The following TBL1XR1 variants were observed in gnomAD, a reference collection of about 807,000 sequenced individuals.
The protein encoded by TBL1XR1 is TBL1X/Y related 1.
In TBL1XR1, 5 loss-of-function variants were observed where a neutral mutation model predicts 66.9. The ratio of observed to expected loss-of-function variants is 0.07; its 90% CI spans 0.04 to 0.16. TBL1XR1 has a LOEUF of 0.16. Ranked by LOEUF, TBL1XR1 falls within the 10% of genes least tolerant of loss-of-function variation. The pLI, the probability that TBL1XR1 is intolerant of heterozygous loss-of-function variation, is 1.00. For missense variants in TBL1XR1, 238 were observed against 623.2 expected, an observed-to-expected ratio of 0.38 and a Z score of 6.58; for synonymous variants, 210 against 206.0, an observed-to-expected ratio of 1.02 and a Z score of -0.17.
intron 2 of TBL1XR1, among the ~76,000 whole-genome samples, chr3:177,067,691 C>T (rs777908766): frequency 1.3e-5 from 2 of 151,702 alleles, no homozygotes; most frequent in Non-Finnish European, 2.9e-5. Context: ...TATTAGTTCC[C>T]GGCAATTAAG....
chr3:177,060,508 G>A (rs1176343625), intron 3 of TBL1XR1, among the ~76,000 whole-genome samples: 1 of 152,178 alleles, frequency 6.6e-6, no homozygotes, highest in Non-Finnish European at 1.5e-5. Context: ...ACATGTAATA[G>A]TTAAACCTAG....
At chr3:177,107,635 G>A (rs901117191) in intron 1 of TBL1XR1, among the ~76,000 whole-genome samples, 4 of 152,102 alleles carry the variant, frequency 2.6e-5, no homozygotes, top group Admixed American at 2.6e-4. Flanking sequence ...CACAAGCTGT[G>A]TTATCTGCCT....
rs1260462756 is a variant in TBL1XR1, at chr3:177,037,782, A to ATCCG, written c.1122+315_1122+316insCGGA. 5.5e-5 allele frequency: 12 copies of ATCCG among 219,990 alleles called. 1 individual carries two copies. The highest frequency in any genetic ancestry group is 8.9e-6 in the Non-Finnish European group (1 of 112,026). 13.6% of individuals were successfully genotyped at this position (219,990 alleles called of 1,614,324 possible). On this transcript the variant is annotated intron_variant, in intron 12 of 15. Transcript: ENST00000457928. ...CTCACAGTAAATCTCTCATCCATCCATCCATCCATCCATCCATCCATCCAT... is the reference window on the plus strand; with the variant it reads ...CTCACAGTAAATCTCTCATCCATCCATCCGTCCATCCATCCATCCATCCATCCAT...
At position 177,144,570 on chromosome 3, in the gene TBL1XR1, A is replaced by G. The variant is rs1560224709; in HGVS notation, c.-121-46029T>C. On this transcript the variant is annotated intron_variant, in intron 1 of 15. Coordinates refer to ENST00000457928, the MANE Select transcript of TBL1XR1 (RefSeq NM_024665.7). ...AGATCGAGACCATCCTGGCTAGCAC[A>G]GTGAAACCCCATCTCTACTTTAGAA... Among the ~76,000 whole-genome samples the G allele has an allele frequency of 2.0e-5, 3 of 151,886 alleles. No individual in the cohort carries two copies. The South Asian group carries it at 6.2e-4, about 31-fold the overall frequency.
At chr3:177,138,642 C>A (rs191473256) in intron 1 of TBL1XR1, among the ~76,000 whole-genome samples, 1 of 151,938 alleles carries the variant, frequency 6.6e-6, no homozygotes, top group African/African-American at 2.4e-5. Context: ...CCAGGTAAGG[C>A]TTTCTGTGAG....
intron 10 of TBL1XR1, among the ~76,000 whole-genome samples, chr3:177,042,979 A>G (rs963501996): frequency 1.3e-5 from 2 of 152,144 alleles, no homozygotes; most frequent in African/African-American, 4.8e-5. Flanking sequence ...CATACAATTC[A>G]ATGGATTTCA....
intron 1 of TBL1XR1, among the ~76,000 whole-genome samples, chr3:177,172,132 G>A (rs934411880): frequency 1.3e-5 from 2 of 151,900 alleles, no homozygotes; most frequent in Admixed American, 6.6e-5. Flanking sequence ...ATGGTGGCAC[G>A]CACCTGTAAT....
chr3:177,155,175 A>C (rs1283088737), intron 1 of TBL1XR1, among the ~76,000 whole-genome samples: 1 of 152,230 alleles, frequency 6.6e-6, no homozygotes, highest in African/African-American at 2.4e-5. Context: ...TCTAAGTTTA[A>C]GAAGCTAGAA....
rs1276487365 is a variant in TBL1XR1 at position 177,197,359 on chromosome 3, G to A, written c.-360C>T. On this transcript the variant is annotated 5_prime_UTR_variant, in exon 1 of 16. Coordinates refer to ENST00000457928, the MANE Select transcript of TBL1XR1 (RefSeq NM_024665.7). ...GAGCGGAGGTGCTCCCGCCGCGGGG[G>A]GAGGGGCGGGGGCGCACGCGGCCGG... 2.0e-5 allele frequency: 3 copies of A among 146,426 alleles called. No homozygotes were observed. The highest frequency in any genetic ancestry group is 5.0e-5 in the African/African-American group (2 of 40,392). 9.1% of individuals were successfully genotyped at this position (146,426 alleles called of 1,614,324 possible). A position where few individuals can be genotyped will look rare whatever the true frequency, so the allele number is the denominator to read the frequency against.
intron 2 of TBL1XR1, among the ~76,000 whole-genome samples, chr3:177,067,754 A>G (rs749497908): frequency 1.3e-5 from 2 of 152,174 alleles, no homozygotes; most frequent in Non-Finnish European, 2.9e-5. Context: ...AAACAACTTA[A>G]AAGCCTATGT....
chr3:177,172,217 C>T (rs1018132505), intron 1 of TBL1XR1, among the ~76,000 whole-genome samples: 57 of 149,016 alleles, frequency 3.8e-4, no homozygotes, highest in Admixed American at 1.4e-3. Flanking sequence ...GCCAAGATTG[C>T]GCCACTGCGC....
intron 1 of TBL1XR1, among the ~76,000 whole-genome samples, chr3:177,162,841 T>C (rs191227876): frequency 2.8e-4 from 43 of 151,956 alleles, no homozygotes; most frequent in Middle Eastern, 6.8e-3. Context: ...AAAAAAGAAA[T>C]CAGAAAGACA....
intron 1 of TBL1XR1, among the ~76,000 whole-genome samples, chr3:177,152,333 T>G (rs901456399): frequency 1.3e-5 from 2 of 152,156 alleles, no homozygotes; most frequent in African/African-American, 4.8e-5. Flanking sequence ...CCACCTTTTT[T>G]TTCAACAGTC....
At chr3:177,106,967 A>G (rs1681657) in intron 1 of TBL1XR1, among the ~76,000 whole-genome samples, 91,616 of 151,898 alleles carry the variant, frequency 0.6, 27,810 homozygotes, top group East Asian at 0.73. Context: ...CAGATTTGGA[A>G]TATGCCCACA....
At chr3:177,042,498 C>T (rs941925035) in intron 10 of TBL1XR1, among the ~76,000 whole-genome samples, 1 of 152,110 alleles carries the variant, frequency 6.6e-6, no homozygotes, top group Non-Finnish European at 1.5e-5. Flanking sequence ...AATGTTGCAA[C>T]GTAGGTTGTG....
At chr3:177,053,997 T>C in intron 3 of TBL1XR1, 79 bp from the exon 4 acceptor site, 2 of 1,443,414 alleles carry the variant, frequency 1.4e-6, no homozygotes, top group Middle Eastern at 1.8e-4. Flanking sequence ...AAGATCACCA[T>C]CATCTTTTCA....
chr3:177,146,527 T>C (rs1577307465), intron 1 of TBL1XR1, among the ~76,000 whole-genome samples: 1 of 133,974 alleles, frequency 7.5e-6, no homozygotes, highest in African/African-American at 2.8e-5. Flanking sequence ...GAGGCGGAGG[T>C]TGTGGTAAGC....
chr3:177,096,865 T>C (rs1246184492), intron 2 of TBL1XR1, among the ~76,000 whole-genome samples: 1 of 152,016 alleles, frequency 6.6e-6, no homozygotes, highest in Non-Finnish European at 1.5e-5. Context: ...AAAGCTTGGC[T>C]TGGGGGGTGG....
In TBL1XR1 at chr3:177,127,944, C is replaced by T. The variant is rs545827526; in HGVS notation, c.-121-29403G>A. 4.8e-4 allele frequency among the ~76,000 whole-genome samples: 73 copies of T among 152,254 alleles called. 1 individual carries two copies. Among genetic ancestry groups the T allele is most frequent in the African/African-American group, 1.7e-3 (71 of 41,550 alleles). On this transcript the variant is annotated intron_variant, in intron 1 of 15. Coordinates refer to ENST00000457928, the MANE Select transcript of TBL1XR1 (RefSeq NM_024665.7). ...TCAAAACATTGTAAAACGGGCCGGGCGCAGTGGCTCACGCCTGTAATCCCA... is the reference window on the plus strand; with the variant it reads ...TCAAAACATTGTAAAACGGGCCGGGTGCAGTGGCTCACGCCTGTAATCCCA...
Sources: allele counts gnomAD v4.1 joint callset (sites outside exome capture counted in the v4.1 genomes callset), GRCh38; gene constraint gnomAD v4.1.1; transcripts MANE v1.5; gene names NCBI Gene and HGNC (gene_info 2026-07-23, HGNC 2026-07-21).